DLG2: variants seen among roughly 807,000 people sequenced by gnomAD.
The protein encoded by DLG2 is disks large homolog 2.
Under a neutral mutation model 132.5 loss-of-function variants are expected in DLG2, and 45 were observed. The ratio of observed to expected loss-of-function variants is 0.34; its 90% CI spans 0.27 to 0.44. The LOEUF (loss-of-function observed/expected upper bound fraction) is 0.44, where lower values mean the gene tolerates loss of function less well. Ranked by LOEUF, DLG2 falls within the 20% of genes least tolerant of loss-of-function variation. The probability of loss-of-function intolerance (pLI) is 1.00; values close to 1 mark genes in which losing one functional copy is unlikely to be tolerated. For missense variants in DLG2, 1,045 were observed against 1,196.9 expected (o/e 0.87, Z 1.87); for synonymous variants, 424 against 419.6 (o/e 1.01, Z -0.13).
intron 6 of DLG2, among the ~76,000 whole-genome samples, chr11:84,660,792 G>A (rs2099693692): frequency 6.6e-6 from 1 of 152,136 alleles, no homozygotes; most frequent in South Asian, 2.1e-4. Context: ...TGCAAATGCA[G>A]ATCTCACTCC....
In DLG2 at chr11:83,984,769, G is replaced by A. The variant is rs1051194990; in HGVS notation, c.920-4127C>T. 2.6e-5 allele frequency among the ~76,000 whole-genome samples: 4 copies of A among 152,178 alleles called. No homozygotes were observed. In the South Asian group the frequency reaches 6.2e-4, roughly 24 times the overall value. On this transcript the variant is annotated intron_variant, in intron 11 of 27. Transcript: ENST00000376104. Reference sequence around the variant, plus strand: ...ATAATTTGATACAAGTATACAATGTGTAATGATCAAATCAGGATAATTGGG... The same window carrying A: ...ATAATTTGATACAAGTATACAATGTATAATGATCAAATCAGGATAATTGGG...
chr11:85,504,542 T>C (rs1200850986), intron 3 of DLG2, among the ~76,000 whole-genome samples: 1 of 152,220 alleles, frequency 6.6e-6, no homozygotes, highest in African/African-American at 2.4e-5. Context: ...GTATTATTTC[T>C]GAGGACTCTG....
intron 6 of DLG2, among the ~76,000 whole-genome samples, chr11:84,947,105 A>G (rs1437784911): frequency 6.6e-6 from 1 of 152,182 alleles, no homozygotes; most frequent in East Asian, 1.9e-4. Flanking sequence ...GGGATGGGTG[A>G]GGGATGATGT....
At chr11:84,909,375 G>A (rs779022105) in intron 6 of DLG2, among the ~76,000 whole-genome samples, 2 of 152,170 alleles carry the variant, frequency 1.3e-5, no homozygotes, top group Non-Finnish European at 2.9e-5. Flanking sequence ...AGACAGAATT[G>A]TGTGTATAGA....
Position 83,587,812 on chromosome 11 carries a change from G to C in DLG2, c.1940+45399C>G, listed in dbSNP as rs565044105. ...CCGTGCGCGAGCCGAAGCAGGGCGA[G>C]GCATTGCCTCACTTGGGAAGTGCAA... On this transcript the variant is annotated intron_variant, in intron 19 of 27. Coordinates refer to ENST00000376104, the MANE Select transcript of DLG2 (RefSeq NM_001142699.3). Among the ~76,000 whole-genome samples, 374 of 152,292 alleles carry C rather than the reference G, an allele frequency of 2.5e-3. 3 individuals are homozygous for C. Among genetic ancestry groups the C allele is most frequent in the African/African-American group, 8.6e-3 (356 of 41,558 alleles).
intron 2 of DLG2, among the ~76,000 whole-genome samples, chr11:85,614,995 C>A (rs1204368496): frequency 6.6e-6 from 1 of 152,170 alleles, no homozygotes; most frequent in African/African-American, 2.4e-5. Flanking sequence ...TTATTCTTTG[C>A]AATTATACTT....
At chr11:84,755,679 T>C (rs2066776037) in intron 6 of DLG2, among the ~76,000 whole-genome samples, 1 of 152,236 alleles carries the variant, frequency 6.6e-6, no homozygotes, top group South Asian at 2.1e-4. Flanking sequence ...CGCCTCGGCC[T>C]CCCGAAGTGC....
Position 85,597,895 on chromosome 11 carries a change from G to A in DLG2, c.40+762C>T, listed in dbSNP as rs556101297. On this transcript the variant is annotated intron_variant, in intron 3 of 27. Coordinates refer to ENST00000376104, the MANE Select transcript of DLG2 (RefSeq NM_001142699.3). ...TGGGTTTTTCATTGTTTAGTTAGTT[G>A]GTTGTTTTTTTGGGAAAAGTATTTG... Among the ~76,000 whole-genome samples, 12 of 146,842 alleles carry A rather than the reference G, an allele frequency of 8.2e-5. No homozygotes were observed. In the South Asian group the frequency reaches 2.6e-3, roughly 32 times the overall value.
intron 8 of DLG2, among the ~76,000 whole-genome samples, chr11:84,177,686 G>A (rs1185182602): frequency 2.0e-5 from 3 of 152,100 alleles, no homozygotes; most frequent in African/African-American, 4.8e-5. Flanking sequence ...CCAGTTAATA[G>A]CTGTCAGATA....
intron 6 of DLG2, among the ~76,000 whole-genome samples, chr11:85,005,421 TCTC>T (rs2058566810): frequency 1.3e-5 from 2 of 152,176 alleles, no homozygotes; most frequent in African/African-American, 2.4e-5. Flanking sequence ...GGTATGTAGT[TCTC>T]CTTGAAGAGC....
intron 6 of DLG2, among the ~76,000 whole-genome samples, chr11:84,579,062 C>G (rs1277909451): frequency 6.6e-6 from 1 of 152,148 alleles, no homozygotes; most frequent in Admixed American, 6.5e-5. Context: ...TTGCCTCCCG[C>G]CATGATTCTG....
intron 9 of DLG2, among the ~76,000 whole-genome samples, chr11:84,102,084 A>G (rs917566127): frequency 2.0e-5 from 3 of 152,128 alleles, no homozygotes. Flanking sequence ...GACTATTTCA[A>G]TTCTTCGCAT....
intron 3 of DLG2, among the ~76,000 whole-genome samples, chr11:85,293,078 A>G (rs111499751): frequency 0.03 from 4,515 of 152,288 alleles, 98 homozygotes; most frequent in Middle Eastern, 0.075. Context: ...ATAATCCATT[A>G]TTTCATCCTG....
chr11:85,064,977 T>C lies in DLG2; in HGVS notation c.357+46684A>G, dbSNP rs915030471. Reference sequence around the variant, plus strand: ...TATTTTTATGTATAAAGTACCGATATAGGTACTTTACATAAAGAGATAAGT... The same window carrying C: ...TATTTTTATGTATAAAGTACCGATACAGGTACTTTACATAAAGAGATAAGT... On this transcript the variant is annotated intron_variant, in intron 6 of 27. Transcript: ENST00000376104. Among the ~76,000 whole-genome samples, 12 of 151,646 alleles carry C rather than the reference T, an allele frequency of 7.9e-5. No homozygotes were observed. In the South Asian group the frequency reaches 2.3e-3, roughly 29 times the overall value.
At chr11:83,779,795 A>G (rs146409803) in intron 18 of DLG2, among the ~76,000 whole-genome samples, 2 of 152,324 alleles carry the variant, frequency 1.3e-5, no homozygotes, top group South Asian at 4.1e-4. Context: ...ACTACACAGA[A>G]TCTATCAAGT....
intron 3 of DLG2, among the ~76,000 whole-genome samples, chr11:85,559,384 C>T (rs1349257160): frequency 6.6e-6 from 1 of 151,122 alleles, no homozygotes; most frequent in Non-Finnish European, 1.5e-5. Context: ...CTCTTGACCT[C>T]GTGATCTGCC....
intron 6 of DLG2, among the ~76,000 whole-genome samples, chr11:85,016,248 C>T (rs1450444299): frequency 6.6e-6 from 1 of 152,078 alleles, no homozygotes; most frequent in Non-Finnish European, 1.5e-5. Flanking sequence ...GTAAGCTTTA[C>T]TCAGGATAGC....
intron 12 of DLG2, among the ~76,000 whole-genome samples, chr11:83,970,865 C>A (rs906063129): frequency 6.6e-6 from 1 of 152,130 alleles, no homozygotes; most frequent in African/African-American, 2.4e-5. Flanking sequence ...AATTAGGGTG[C>A]TGCTGATGAA....
In DLG2 at chr11:85,165,143, G is replaced by T. The variant is rs993101939; in HGVS notation, c.187-10492C>A. On this transcript the variant is annotated intron_variant, in intron 4 of 27. Coordinates refer to ENST00000376104, the MANE Select transcript of DLG2 (RefSeq NM_001142699.3). ...ATTTACGAAGAGATAGATGATTCTC[G>T]GCACAATGGAAAATTAATGCCTGTC... Among the ~76,000 whole-genome samples the T allele has an allele frequency of 5.3e-5, 8 of 152,184 alleles. 1 individual carries two copies. The highest frequency in any genetic ancestry group is 3.3e-4 in the Admixed American group (5 of 15,288).
Sources: gnomAD v4.1 joint callset for allele counts (sites outside exome capture counted in the v4.1 genomes callset) on GRCh38, gnomAD v4.1.1 for gene constraint, MANE v1.5 for transcripts, NCBI Gene and HGNC (gene_info 2026-07-23, HGNC 2026-07-21) for gene names.